The following STX8 variants were observed in gnomAD, a reference collection of about 807,000 sequenced individuals.
STX8 encodes the protein syntaxin-8.
In STX8, 23 loss-of-function variants were observed where a neutral mutation model predicts 37.5. The observed-to-expected ratio is 0.61, with a 90% CI of 0.44 to 0.87. The LOEUF is 0.87. Ranked by LOEUF, STX8 falls within the 40% of genes least tolerant of loss-of-function variation. The probability of loss-of-function intolerance (pLI) is 0.00; values close to 1 mark genes in which losing one functional copy is unlikely to be tolerated. For synonymous variants in STX8, 115 were observed against 99.1 expected (o/e 1.16, Z -0.95); for missense variants, 313 against 284.7 (o/e 1.10, Z -0.71).
intron 7 of STX8, among the ~76,000 whole-genome samples, chr17:9,318,559 C>G (rs1909464249): frequency 6.6e-6 from 1 of 152,050 alleles, no homozygotes; most frequent in Non-Finnish European, 1.5e-5. Context: ...CTAAAAGCTT[C>G]CAGAGTGAAA....
rs76831021 is a variant in STX8, at chr17:9,259,751, G to A, written c.644-9106C>T. 7.6e-3 allele frequency among the ~76,000 whole-genome samples: 1,157 copies of A among 152,246 alleles called. 16 individuals carry two copies. The highest frequency in any genetic ancestry group is 0.027 in the African/African-American group (1,105 of 41,548). Reference sequence around the variant, plus strand: ...GAGGTCAGAGCAGGGGTCACAGGACGGGGTCACAGGCAGGAGGAGGAGAAG... The same window carrying A: ...GAGGTCAGAGCAGGGGTCACAGGACAGGGTCACAGGCAGGAGGAGGAGAAG... On this transcript the variant is annotated intron_variant, in intron 7 of 7. Transcript: ENST00000306357.
chr17:9,281,622 T>A (rs1033761293), intron 7 of STX8, among the ~76,000 whole-genome samples: 1 of 152,030 alleles, frequency 6.6e-6, no homozygotes, highest in Non-Finnish European at 1.5e-5. Flanking sequence ...GCAGACACAG[T>A]CCCTTGGAGT....
chr17:9,505,160 G>T lies in STX8; in HGVS notation c.326C>A (p.Ser109Tyr), dbSNP rs149801989. ...NEGAEPDLIR[S>Y]SLMSEEAKRG... is the part of the protein sequence containing the mutation. ...CTTAGCCTCTTCACTCATCAGGCTG[G>T]ACCTAAAGAACAATATTAAATGCAT... is the stretch of plus-strand genomic sequence containing the variant. Residue 109 changes from serine to tyrosine, a missense_variant and splice_region_variant, in exon 5 of 8, where the codon TCC becomes TAC. Transcript: ENST00000306357. 258 of 1,610,152 alleles carry T rather than the reference G, an allele frequency of 1.6e-4. 1 individual carries two copies. In the African/African-American group the frequency reaches 3.3e-3, roughly 20 times the overall value.
At position 9,350,822 on chromosome 17, in the gene STX8, C is replaced by T. The variant is rs532047221; in HGVS notation, c.643+27730G>A. Reference sequence around the variant, plus strand: ...TGCTGGGATTACAGGCGTGAGCCACCACACCCAGCCTAAAATGTTTTTATC... The same window carrying T: ...TGCTGGGATTACAGGCGTGAGCCACTACACCCAGCCTAAAATGTTTTTATC... On this transcript the variant is annotated intron_variant, in intron 7 of 7. Transcript: ENST00000306357. Among the ~76,000 whole-genome samples the T allele has an allele frequency of 1.2e-4, 18 of 152,264 alleles. No homozygotes were observed. The South Asian group carries it at 2.1e-3, about 18-fold the overall frequency.
chr17:9,504,232 T>C (rs1386034640), intron 5 of STX8, among the ~76,000 whole-genome samples: 4 of 151,966 alleles, frequency 2.6e-5, no homozygotes, highest in African/African-American at 9.7e-5. Flanking sequence ...CAGTTTGAGA[T>C]TGGAGAAACA....
At chr17:9,562,322 C>T (rs1389966756) in intron 2 of STX8, among the ~76,000 whole-genome samples, 2 of 151,496 alleles carry the variant, frequency 1.3e-5, no homozygotes, top group Non-Finnish European at 1.5e-5. Flanking sequence ...AGGAGAATGG[C>T]GTGAACCCGG....
chr17:9,539,928 G>GA (rs1457747383), intron 4 of STX8, among the ~76,000 whole-genome samples: 1 of 152,158 alleles, frequency 6.6e-6, no homozygotes, highest in African/African-American at 2.4e-5. Context: ...AATCAGGAGG[G>GA]AAGGGGATAC....
At chr17:9,349,993 T>C (rs1910656166) in intron 7 of STX8, among the ~76,000 whole-genome samples, 1 of 152,204 alleles carries the variant, frequency 6.6e-6, no homozygotes, top group Non-Finnish European at 1.5e-5. Flanking sequence ...ACACTTTGGC[T>C]TCCCAAAGTG....
chr17:9,378,497 A>C, intron 7 of STX8, 55 bp downstream of exon 7: 1 of 1,476,598 alleles, frequency 6.8e-7, no homozygotes, highest in Non-Finnish European at 9.5e-7. Context: ...AACTCAGAGC[A>C]GAGTAAATCC....
At chr17:9,411,117 T>C (rs550462493) in intron 6 of STX8, among the ~76,000 whole-genome samples, 16 of 152,332 alleles carry the variant, frequency 1.1e-4, no homozygotes, top group African/African-American at 3.8e-4. Flanking sequence ...AGCATTTTCC[T>C]CCAATAAATC....
chr17:9,253,468 C>T (rs147311550), intron 7 of STX8, among the ~76,000 whole-genome samples: 16 of 152,196 alleles, frequency 1.1e-4, no homozygotes, highest in Middle Eastern at 6.8e-3. Context: ...TGGTGATCAG[C>T]TGAAGACTTG....
intron 7 of STX8, among the ~76,000 whole-genome samples, chr17:9,349,705 C>T (rs1294302208): frequency 1.3e-5 from 2 of 151,476 alleles, no homozygotes; most frequent in African/African-American, 4.8e-5. Context: ...AACAATATAC[C>T]GTAATAAAAG....
At chr17:9,437,656 A>T (rs1425886877) in intron 6 of STX8, 1 of 152,244 alleles carries the variant, frequency 6.6e-6, no homozygotes, top group Admixed American at 6.5e-5. Flanking sequence ...CAGTTGTGCC[A>T]TTTAAGAGAT....
rs1418125783 is a variant in STX8, at chr17:9,440,063, TAAAG to T, written c.541+51762_541+51765del. Among the ~76,000 whole-genome samples the T allele has an allele frequency of 1.2e-3, 176 of 152,194 alleles. 2 individuals are homozygous for T. Among genetic ancestry groups the T allele is most frequent in the African/African-American group, 4.2e-3 (173 of 41,516 alleles). On this transcript the variant is annotated intron_variant, in intron 6 of 7. Coordinates refer to ENST00000306357, the MANE Select transcript of STX8 (RefSeq NM_004853.3). ...TTGCAGCCTAAATATAGTGGTGGCA[TAAAG>T]TAGGTCATTTCCAGAACCATGGAAA... is the stretch of plus-strand genomic sequence containing the variant.
chr17:9,495,646 T>C (rs1342125390), intron 5 of STX8, among the ~76,000 whole-genome samples: 1 of 152,252 alleles, frequency 6.6e-6, no homozygotes, highest in Non-Finnish European at 1.5e-5. Context: ...AAAAGTTCTG[T>C]TCCCCTCTAA....
rs112089232 is a variant in STX8, at chr17:9,297,241, C to CAA, written c.644-46598_644-46597dup. Among the ~76,000 whole-genome samples the CAA allele has an allele frequency of 1.3e-3, 120 of 90,810 alleles. 1 individual carries two copies. Among genetic ancestry groups the CAA allele is most frequent in the African/African-American group, 4.2e-3 (88 of 21,204 alleles). The allele number at this position is 90,810 out of a possible 152,430, so 59.6% of individuals were successfully genotyped here. ...TCTGATAGCATATGCCCAGAGTTTGCAAAAAAAAAAAAAAAAGAAAAAAAA... is the reference window on the plus strand; with the variant it reads ...TCTGATAGCATATGCCCAGAGTTTGCAAAAAAAAAAAAAAAAAAGAAAAAAAA... On this transcript the variant is annotated intron_variant, in intron 7 of 7. Coordinates refer to ENST00000306357, the MANE Select transcript of STX8 (RefSeq NM_004853.3).
At chr17:9,519,961 C>T (rs541102763) in intron 4 of STX8, among the ~76,000 whole-genome samples, 20 of 152,172 alleles carry the variant, frequency 1.3e-4, no homozygotes, top group Non-Finnish European at 2.8e-4. Context: ...TGTTCACAAC[C>T]TCTAACGTGG....
chr17:9,566,914 C>T (rs547216325), intron 2 of STX8, among the ~76,000 whole-genome samples: 1 of 152,284 alleles, frequency 6.6e-6, no homozygotes, highest in Admixed American at 6.5e-5. Flanking sequence ...AAATGTGGTA[C>T]ATATACACTA....
intron 6 of STX8, among the ~76,000 whole-genome samples, chr17:9,380,849 G>T (rs1468047362): frequency 6.6e-6 from 1 of 151,564 alleles, no homozygotes; most frequent in Non-Finnish European, 1.5e-5. Context: ...AAGTAAGTGG[G>T]ATTACGGGTG....
Sources: allele counts gnomAD v4.1 joint callset (sites outside exome capture counted in the v4.1 genomes callset), GRCh38; gene constraint gnomAD v4.1.1; transcripts MANE v1.5; gene names NCBI Gene and HGNC (gene_info 2026-07-23, HGNC 2026-07-21).